ZNF483: variants seen among roughly 807,000 people sequenced by gnomAD.
ZNF483 encodes zinc finger protein 483, also known as zinc finger protein HIT-10.
ZNF483 carries 9 observed loss-of-function variants against 28.6 expected under a neutral mutation model. The ratio of observed to expected loss-of-function variants is 0.32; its 90% CI spans 0.19 to 0.55. ZNF483 has a LOEUF of 0.55. ZNF483 is among the 20% of genes least tolerant of loss of function. The pLI is 0.93. For synonymous variants in ZNF483, 322 were observed against 306.2 expected, an observed-to-expected ratio of 1.05 and a Z score of -0.54; for missense variants, 675 against 871.7, an observed-to-expected ratio of 0.77 and a Z score of 2.84.
chr9:111,533,373 TC>T (rs1169547250), intron 3 of ZNF483, among the ~76,000 whole-genome samples: 1 of 152,162 alleles, frequency 6.6e-6, no homozygotes, highest in East Asian at 1.9e-4. Flanking sequence ...TTGCATGCTA[TC>T]CAAACCATTC....
chr9:111,558,245 A>C (rs1828181523), downstream of ZNF483, among the ~76,000 whole-genome samples: 2 of 152,370 alleles, frequency 1.3e-5, no homozygotes, highest in South Asian at 4.1e-4. Flanking sequence ...TTTTAATTCA[A>C]TAGTATATAA....
chr9:111,529,254 C>A (rs559075890), intron 2 of ZNF483, among the ~76,000 whole-genome samples: 4 of 152,112 alleles, frequency 2.6e-5, no homozygotes, highest in Non-Finnish European at 5.9e-5. Flanking sequence ...ATTGTCTAAT[C>A]ACTAAATTTG....
rs1279355762 is a variant in ZNF483 at position 111,551,876 on chromosome 9, A to T, written c.*8706A>T. 6.6e-6 allele frequency among the ~76,000 whole-genome samples: 1 copy of T among 152,216 alleles called. No individual in the cohort carries two copies. The highest frequency in any genetic ancestry group is 1.5e-5 in the Non-Finnish European group (1 of 68,038). On this transcript the variant is annotated 3_prime_UTR_variant, in exon 6 of 6. Coordinates refer to ENST00000309235, the MANE Select transcript of ZNF483 (RefSeq NM_133464.5). ...AGCAGTGCATAAATGGAAACAAAACAGTTTATCAATACAATATATCATTCT... is the reference window on the plus strand; with the variant it reads ...AGCAGTGCATAAATGGAAACAAAACTGTTTATCAATACAATATATCATTCT...
At position 111,543,685 on chromosome 9, in the gene ZNF483, ATTT is replaced by A. The variant is rs891237238; in HGVS notation, c.*522_*524del. On this transcript the variant is annotated 3_prime_UTR_variant, in exon 6 of 6. Transcript: ENST00000309235. ...ATCTCTGAAGCTGTGGACATAAGTT[ATTT>A]TTTTTTATTTGTCATTACTTTCAAG... The A allele has an allele frequency of 1.0e-6, 1 of 959,648 alleles. No individual in the cohort carries two copies. The highest frequency in any genetic ancestry group is 1.8e-5 in the African/African-American group (1 of 55,906). The allele number at this position is 959,648 out of a possible 1,614,324, so 59.4% of individuals were successfully genotyped here.
intron 5 of ZNF483, among the ~76,000 whole-genome samples, chr9:111,573,881 G>A (rs1221900075): frequency 6.6e-6 from 1 of 152,130 alleles, no homozygotes; most frequent in African/African-American, 2.4e-5. Context: ...AGTAGGGAGT[G>A]GGGAATGGAG....
chr9:111,570,281 C>A, intron 5 of ZNF483: 1 of 1,526,662 alleles, frequency 6.6e-7, no homozygotes, highest in South Asian at 1.3e-5. Context: ...CAGTACAGGT[C>A]ACTGTCACTG....
intron 5 of ZNF483, among the ~76,000 whole-genome samples, chr9:111,540,224 C>G (rs1827639834): frequency 6.6e-6 from 1 of 152,060 alleles, no homozygotes; most frequent in Non-Finnish European, 1.5e-5. Context: ...AAAAGAATAA[C>G]AATACAAATT....
At position 111,541,888 on chromosome 9, in the gene ZNF483, T is replaced by A; in HGVS notation, c.953T>A (p.Ile318Asn). 6.2e-7 allele frequency: 1 copy of A among 1,613,940 alleles called. No homozygotes were observed. Among genetic ancestry groups the A allele is most frequent in the Non-Finnish European group, 8.5e-7 (1 of 1,179,972 alleles). The change falls in exon 6 of 6, where the codon ATT (isoleucine) becomes AAT (asparagine). Residue 318 changes from isoleucine to asparagine, a missense_variant. Ile to Asn is a moderately radical substitution (Grantham distance 149). Transcript: ENST00000309235. ...GHNFKETSDLIKHLRVYLRKK... is the reference protein window; with the variant it reads ...GHNFKETSDLNKHLRVYLRKK... ...AATTTCAAAGAAACTTCAGACTTAA[T>A]TAAACATCTGAGAGTCTACTTGAGG...
At chr9:111,566,261 T>C (rs1371639344) in intron 5 of ZNF483, among the ~76,000 whole-genome samples, 1 of 152,198 alleles carries the variant, frequency 6.6e-6, no homozygotes, top group Non-Finnish European at 1.5e-5. Flanking sequence ...AGCTTCACTT[T>C]GTTAGAGGGA....
At chr9:111,539,330 G>T (rs1234370476) in intron 5 of ZNF483, 2 of 381,486 alleles carry the variant, frequency 5.2e-6, no homozygotes, top group South Asian at 2.0e-5. Context: ...AAGATTTAAA[G>T]AATATTTGAC....
At chr9:111,534,766 C>T (rs1390249229) in intron 5 of ZNF483, among the ~76,000 whole-genome samples, 4 of 141,854 alleles carry the variant, frequency 2.8e-5, no homozygotes, top group South Asian at 2.3e-4. Context: ...CACCGTCTCC[C>T]GAGCTAGAGT....
At chr9:111,574,477 T>A in intron 5 of ZNF483, 1 of 199,506 alleles carries the variant, frequency 5.0e-6, no homozygotes, top group Non-Finnish European at 1.0e-5. Flanking sequence ...GCCTCTTGAG[T>A]AGCTGGGACT....
Position 111,547,784 on chromosome 9 carries a change from T to A in ZNF483, c.*4614T>A, listed in dbSNP as rs761524436. On this transcript the variant is annotated 3_prime_UTR_variant, in exon 6 of 6. Transcript: ENST00000309235. ...TATAGTTTCAGGTCTTATGTTTAAGTCTTTTAACCATTTTGATTTTTATGT... is the reference window on the plus strand; with the variant it reads ...TATAGTTTCAGGTCTTATGTTTAAGACTTTTAACCATTTTGATTTTTATGT... 6.6e-6 allele frequency among the ~76,000 whole-genome samples: 1 copy of A among 152,200 alleles called. No individual in the cohort carries two copies. Among genetic ancestry groups the A allele is most frequent in the Non-Finnish European group, 1.5e-5 (1 of 68,016 alleles).
chr9:111,533,489 C>G (rs762951332), intron 3 of ZNF483, among the ~76,000 whole-genome samples: 1 of 152,018 alleles, frequency 6.6e-6, no homozygotes, highest in Non-Finnish European at 1.5e-5. Flanking sequence ...TGAGACCAGC[C>G]TGGGCAAATA....
chr9:111,539,924 G>T (rs1412469080), intron 5 of ZNF483, among the ~76,000 whole-genome samples: 1 of 152,124 alleles, frequency 6.6e-6, no homozygotes, highest in Non-Finnish European at 1.5e-5. Context: ...GAGGTCAGGA[G>T]TTAGAGACCA....
At chr9:111,563,358 G>A (rs1389157394) in intron 5 of ZNF483, 3 of 946,998 alleles carry the variant, frequency 3.2e-6, no homozygotes, top group Admixed American at 2.9e-5. Context: ...TGGAAGTCCT[G>A]TCCTCCATGA....
At chr9:111,571,953 GT>G (rs1589300716) in intron 5 of ZNF483, among the ~76,000 whole-genome samples, 1 of 152,300 alleles carries the variant, frequency 6.6e-6, no homozygotes, top group East Asian at 1.9e-4. Context: ...GGAAGAAAAA[GT>G]TTTTTGGTTG....
rs764633533 is a variant in ZNF483, at chr9:111,574,839, C to T, written c.722-1526C>T. On this transcript the variant is annotated intron_variant, in intron 5 of 5. Coordinates refer to the ZNF483 transcript ENST00000358151. ...ATAACAGTGTTTGAAAACTCTCCAC[C>T]TACCTAAACAGATAGCAAAGACAAA... 1.7e-5 allele frequency: 28 copies of T among 1,608,470 alleles called. No homozygotes were observed. The East Asian group carries it at 5.8e-4, about 33-fold the overall frequency.
chr9:111,564,487 G>A (rs1327602774), intron 5 of ZNF483, among the ~76,000 whole-genome samples: 1 of 151,502 alleles, frequency 6.6e-6, no homozygotes, highest in African/African-American at 2.4e-5. Flanking sequence ...TTTAGTTTTT[G>A]TAGAGACGGG....
Sources: gnomAD v4.1 joint callset for allele counts (sites outside exome capture counted in the v4.1 genomes callset) on GRCh38, gnomAD v4.1.1 for gene constraint, MANE v1.5 for transcripts, NCBI Gene and HGNC (gene_info 2026-07-23, HGNC 2026-07-21) for gene names.